The following UBE2R2 variants were observed in gnomAD, a reference collection of about 807,000 sequenced individuals.
The protein encoded by UBE2R2 is ubiquitin-conjugating enzyme E2 R2.
Under a neutral mutation model 27.8 loss-of-function variants are expected in UBE2R2, and 1 was observed. The ratio of observed to expected loss-of-function variants is 0.04; its 90% CI spans 0.01 to 0.17. UBE2R2 has a LOEUF of 0.17. Ranked by LOEUF, UBE2R2 falls within the 10% of genes least tolerant of loss-of-function variation. The pLI, the probability that UBE2R2 is intolerant of heterozygous loss-of-function variation, is 1.00. For synonymous variants in UBE2R2, 106 were observed against 113.3 expected (o/e 0.94, Z 0.41); for missense variants, 100 against 291.0 (o/e 0.34, Z 4.78).
intron 2 of UBE2R2, among the ~76,000 whole-genome samples, chr9:33,899,710 G>A (rs1822203650): frequency 6.6e-6 from 1 of 152,094 alleles, no homozygotes; most frequent in Admixed American, 6.6e-5. Context: ...GTTTCGCCAT[G>A]CTGGTCTCAA....
intron 1 of UBE2R2, among the ~76,000 whole-genome samples, chr9:33,821,211 G>A (rs1825976063): frequency 6.6e-6 from 1 of 152,152 alleles, no homozygotes. Context: ...GGGGTACAGT[G>A]GTGTGATCAT....
At chr9:33,829,792 C>G (rs945297858) in intron 1 of UBE2R2, among the ~76,000 whole-genome samples, 1 of 119,334 alleles carries the variant, frequency 8.4e-6, no homozygotes, top group African/African-American at 3.3e-5. Context: ...TTAGTGCAAT[C>G]GTTTTTTTTT....
At chr9:33,825,861 G>T (rs571984623) in intron 1 of UBE2R2, among the ~76,000 whole-genome samples, 1 of 152,324 alleles carries the variant, frequency 6.6e-6, no homozygotes, top group Admixed American at 6.5e-5. Context: ...GTTGGATGCA[G>T]TGGCTCATGC....
chr9:33,863,177 C>T (rs1177363310), intron 1 of UBE2R2, among the ~76,000 whole-genome samples: 3 of 129,688 alleles, frequency 2.3e-5, no homozygotes, highest in South Asian at 5.1e-4. Context: ...TGCAACAGAG[C>T]GAGACTCCCT....
Position 33,893,620 on chromosome 9 carries a change from T to C in UBE2R2, c.265-6554T>C, listed in dbSNP as rs150496410. 4.1e-3 allele frequency among the ~76,000 whole-genome samples: 621 copies of C among 152,216 alleles called. 1 individual carries two copies. Among genetic ancestry groups the C allele is most frequent in the Non-Finnish European group, 6.0e-3 (409 of 68,000 alleles). On this transcript the variant is annotated intron_variant, in intron 2 of 4. Coordinates refer to ENST00000263228, the MANE Select transcript of UBE2R2 (RefSeq NM_017811.4). ...GTGGGGTTAAATGGGAATTCTATGT[T>C]TAACTTTTTATTTATTTATTTATTT...
intron 1 of UBE2R2, among the ~76,000 whole-genome samples, chr9:33,838,660 T>C (rs988200945): frequency 6.6e-6 from 1 of 152,190 alleles, no homozygotes; most frequent in African/African-American, 2.4e-5. Context: ...TTATGTTAGT[T>C]GGTTTTATTA....
In UBE2R2 at chr9:33,919,056, G is replaced by T. The variant is rs1014089465; in HGVS notation, c.*1819G>T. ...GCTCTTAGGGGACACTGTTGAGCCT[G>T]GTCCCAGAATCTGTGATCTCCACAG... On this transcript the variant is annotated 3_prime_UTR_variant, in exon 5 of 5. Transcript: ENST00000263228. 3 of 152,402 alleles carry T rather than the reference G, an allele frequency of 2.0e-5. No individual in the cohort carries two copies. The highest frequency in any genetic ancestry group is 7.3e-5 in the African/African-American group (3 of 41,304). The allele number at this position is 152,402 out of a possible 1,614,324, so 9.4% of individuals were successfully genotyped here. A position where few individuals can be genotyped will look rare whatever the true frequency, so the allele number is the denominator to read the frequency against.
At chr9:33,879,965 C>T (rs918871583) in intron 1 of UBE2R2, among the ~76,000 whole-genome samples, 1 of 151,572 alleles carries the variant, frequency 6.6e-6, no homozygotes, top group African/African-American at 2.4e-5. Flanking sequence ...TCACTGCAGC[C>T]TCAACCTCCC....
At chr9:33,883,641 G>T (rs1821781795) in intron 1 of UBE2R2, among the ~76,000 whole-genome samples, 2 of 150,912 alleles carry the variant, frequency 1.3e-5, no homozygotes, top group African/African-American at 2.4e-5. Flanking sequence ...ACTTGAGCCT[G>T]GAGGTGGAGG....
intron 1 of UBE2R2, among the ~76,000 whole-genome samples, chr9:33,819,149 G>A (rs1825913596): frequency 6.6e-6 from 1 of 152,136 alleles, no homozygotes; most frequent in South Asian, 2.1e-4. Context: ...AAATAGGCCA[G>A]TGAGTCAATT....
intron 2 of UBE2R2, among the ~76,000 whole-genome samples, chr9:33,888,322 A>C (rs774841606): frequency 9.2e-5 from 14 of 152,274 alleles, no homozygotes; most frequent in South Asian, 6.2e-4. Flanking sequence ...AACAAACAAA[A>C]AAAAATTCTG....
intron 1 of UBE2R2, among the ~76,000 whole-genome samples, chr9:33,875,298 C>G (rs1821579498): frequency 6.6e-6 from 1 of 152,138 alleles, no homozygotes; most frequent in Non-Finnish European, 1.5e-5. Context: ...AAATCATACC[C>G]TGAAATTACT....
chr9:33,884,597 T>C (rs923773417), intron 1 of UBE2R2, among the ~76,000 whole-genome samples: 2 of 152,174 alleles, frequency 1.3e-5, no homozygotes, highest in African/African-American at 4.8e-5. Context: ...AAATAATTTA[T>C]CTCATTATTG....
chr9:33,910,747 A>C (rs1411664561), intron 3 of UBE2R2, among the ~76,000 whole-genome samples: 3 of 152,190 alleles, frequency 2.0e-5, no homozygotes, highest in Non-Finnish European at 2.9e-5. Context: ...CTTCCTTCCA[A>C]GTATGGAAAA....
At chr9:33,832,607 C>T (rs572054387) in intron 1 of UBE2R2, among the ~76,000 whole-genome samples, 76 of 145,976 alleles carry the variant, frequency 5.2e-4, no homozygotes, top group African/African-American at 1.8e-3. Flanking sequence ...CGGTGAGAGC[C>T]GAGATTGTGC....
chr9:33,834,936 A>G (rs1820583947), intron 1 of UBE2R2, among the ~76,000 whole-genome samples: 3 of 151,804 alleles, frequency 2.0e-5, no homozygotes, highest in South Asian at 4.2e-4. Context: ...AAAAGAAAAG[A>G]AAAGAAAAGA....
chr9:33,917,238 C>T lies in UBE2R2; in HGVS notation c.*1C>T, dbSNP rs775980700. The T allele has an allele frequency of 2.2e-5, 35 of 1,613,946 alleles. No individual in the cohort carries two copies. Among genetic ancestry groups the T allele is most frequent in the Admixed American group, 2.0e-4 (12 of 60,008 alleles). On this transcript the variant is annotated 3_prime_UTR_variant, in exon 5 of 5. Coordinates refer to ENST00000263228, the MANE Select transcript of UBE2R2 (RefSeq NM_017811.4). Reference sequence around the variant, plus strand: ...TGATTCTGGGAATGAGGAGTCGTGACGTGCTCCTTCAGTGCCCCTGTACTG... The same window carrying T: ...TGATTCTGGGAATGAGGAGTCGTGATGTGCTCCTTCAGTGCCCCTGTACTG...
At chr9:33,880,368 T>C (rs1563998662) in intron 1 of UBE2R2, among the ~76,000 whole-genome samples, 2 of 152,208 alleles carry the variant, frequency 1.3e-5, no homozygotes, top group Non-Finnish European at 2.9e-5. Flanking sequence ...ACTTTGTGGC[T>C]TCCTCTTTAT....
intron 2 of UBE2R2, among the ~76,000 whole-genome samples, chr9:33,893,405 C>G (rs1163764800): frequency 6.6e-6 from 1 of 152,174 alleles, no homozygotes; most frequent in Non-Finnish European, 1.5e-5. Flanking sequence ...CTTCATTCCT[C>G]TTCATGGCTG....
Sources: allele counts gnomAD v4.1 joint callset (sites outside exome capture counted in the v4.1 genomes callset), GRCh38; gene constraint gnomAD v4.1.1; transcripts MANE v1.5; gene names NCBI Gene and HGNC (gene_info 2026-07-23, HGNC 2026-07-21).